Variants in CDH26 observed in about 807,000 individuals in gnomAD.
CDH26 encodes the protein cadherin 26.
CDH26 carries 83 observed loss-of-function variants against 90.3 expected under a neutral mutation model. The observed-to-expected ratio is 0.92, with a 90% CI of 0.77 to 1.10. CDH26 has a LOEUF of 1.10. Among genes scored for constraint, CDH26 ranks in the 50% least tolerant of loss-of-function variants. CDH26 has a pLI of 0.00. For missense variants in CDH26, 1,013 were observed against 1,037.6 expected, an observed-to-expected ratio of 0.98 and a Z score of 0.33; for synonymous variants, 397 against 396.3, an observed-to-expected ratio of 1.00 and a Z score of -0.02.
intron 4 of CDH26, among the ~76,000 whole-genome samples, chr20:59,982,252 T>C (rs117376016): frequency 2.4e-3 from 363 of 152,344 alleles, no homozygotes; most frequent in Admixed American, 3.9e-3. Context: ...CTTTCTCTAT[T>C]GTTTTGTTGT....
At chr20:59,973,132 C>G (rs988721766) in intron 4 of CDH26, among the ~76,000 whole-genome samples, 6 of 152,168 alleles carry the variant, frequency 3.9e-5, no homozygotes, top group Non-Finnish European at 4.4e-5. Flanking sequence ...ACTTCTCAAT[C>G]TTTCATGAGC....
At chr20:59,971,036 T>A (rs1233638463) in intron 3 of CDH26, among the ~76,000 whole-genome samples, 1 of 152,066 alleles carries the variant, frequency 6.6e-6, no homozygotes, top group Non-Finnish European at 1.5e-5. Context: ...CTTGAAGAAG[T>A]CACATGGTAT....
intron 1 of CDH26, among the ~76,000 whole-genome samples, chr20:59,964,707 A>G (rs958504199): frequency 3.9e-5 from 6 of 152,250 alleles, no homozygotes; most frequent in African/African-American, 4.8e-5. Context: ...CTGGCAAAGT[A>G]TAAACATCCA....
In CDH26 at chr20:59,982,844, A is replaced by G. The variant is rs990995864; in HGVS notation, c.394-79A>G. The G allele has an allele frequency of 4.0e-6, 6 of 1,509,150 alleles. No individual in the cohort carries two copies. The Admixed American group carries it at 7.2e-5, about 18-fold the overall frequency. The allele number at this position is 1,509,150 out of a possible 1,614,324, so 93.5% of individuals were successfully genotyped here. A position where few individuals can be genotyped will look rare whatever the true frequency, so the allele number is the denominator to read the frequency against. On this transcript the variant is annotated intron_variant, in intron 4 of 17. Coordinates refer to ENST00000348616, the MANE Select transcript of CDH26 (RefSeq NM_177980.4). ...AGAGGAGGAGACAGACGTAACACAT[A>G]ATTAGGATAACAGTTATTTTATTAG...
chr20:60,010,337 C>A (rs2061816666), intron 17 of CDH26, among the ~76,000 whole-genome samples: 1 of 152,208 alleles, frequency 6.6e-6, no homozygotes, highest in African/African-American at 2.4e-5. Flanking sequence ...TGACTGTTTT[C>A]ATGCCCTACA....
chr20:59,985,990 G>A (rs1336277826), intron 7 of CDH26: 2 of 152,258 alleles, frequency 1.3e-5, no homozygotes. Context: ...GGGCTACTCT[G>A]TGTGCTGTGG....
chr20:59,976,812 C>T (rs2061333368), intron 4 of CDH26, among the ~76,000 whole-genome samples: 1 of 151,986 alleles, frequency 6.6e-6, no homozygotes, highest in Non-Finnish European at 1.5e-5. Flanking sequence ...GAGGAATGAG[C>T]CACAAGTCTG....
Position 59,987,471 on chromosome 20 carries a change from G to A in CDH26, c.856G>A (p.Glu286Lys). ...TQENYKVQIPEGRASQGVLRL... is the reference protein window; with the variant it reads ...TQENYKVQIPKGRASQGVLRL... ...CTTTCAGTATAAGGTTCAGATTCCT[G>A]AAGGCCGAGCCAGCCAGGGCGTGTT... Residue 286 changes from glutamate (E) to lysine (K), a missense_variant, in exon 8 of 18, where the codon GAA becomes AAA. Physicochemically the swap from Glu to Lys is moderately conservative, Grantham distance 56 (BLOSUM62 1). Transcript: ENST00000348616. The A allele has an allele frequency of 1.2e-6, 2 of 1,611,992 alleles. No homozygotes were observed. Among genetic ancestry groups the A allele is most frequent in the Non-Finnish European group, 8.5e-7 (1 of 1,179,202 alleles).
chr20:60,008,039 G>T (rs886278216), intron 17 of CDH26, among the ~76,000 whole-genome samples: 1 of 152,146 alleles, frequency 6.6e-6, no homozygotes. Flanking sequence ...ACATGCTCGT[G>T]TCATGGAGGC....
chr20:60,006,006 TTCC>T (rs1201873737), intron 16 of CDH26, among the ~76,000 whole-genome samples: 1 of 152,164 alleles, frequency 6.6e-6, no homozygotes, highest in African/African-American at 2.4e-5. Flanking sequence ...GCCCTACAAC[TTCC>T]TCCTCCTGAG....
chr20:59,967,574 C>T (rs1384397225), intron 1 of CDH26, among the ~76,000 whole-genome samples: 1 of 152,090 alleles, frequency 6.6e-6, no homozygotes, highest in Non-Finnish European at 1.5e-5. Context: ...CCAAAATACC[C>T]CGTGTGAAAA....
chr20:59,996,549 A>G lies in CDH26; in HGVS notation c.1889-82A>G, dbSNP rs1251820286. On this transcript the variant is annotated intron_variant, in intron 12 of 17. Transcript: ENST00000348616. ...CCTTGCCAGTTCATGACTGAGTTAT[A>G]CATGAACAGAACAAGATCCTCATGA... The G allele has an allele frequency of 2.5e-6, 4 of 1,614,206 alleles. No homozygotes were observed. In the East Asian group the frequency reaches 6.7e-5, roughly 27 times the overall value.
chr20:60,020,100 A>G (rs889285727), intron 7 of CDH26, among the ~76,000 whole-genome samples: 2 of 152,114 alleles, frequency 1.3e-5, no homozygotes, highest in Non-Finnish European at 2.9e-5. Context: ...ACAGTGGGTG[A>G]GCCAACTTGT....
intron 1 of CDH26, among the ~76,000 whole-genome samples, chr20:59,967,355 A>G (rs1033213100): frequency 6.6e-6 from 1 of 152,208 alleles, no homozygotes; most frequent in Non-Finnish European, 1.5e-5. Context: ...TTTGCTATCA[A>G]ATTTTCTTTT....
At chr20:59,969,734 A>G (rs989493285) in intron 2 of CDH26, among the ~76,000 whole-genome samples, 3 of 152,232 alleles carry the variant, frequency 2.0e-5, no homozygotes, top group African/African-American at 7.2e-5. Flanking sequence ...ACTGAGAGAT[A>G]AATGGAAGTG....
chr20:60,015,186 A>G (rs2061894624), downstream of CDH26, among the ~76,000 whole-genome samples: 1 of 152,170 alleles, frequency 6.6e-6, no homozygotes, highest in Admixed American at 6.5e-5. Context: ...GGGTTTTGCC[A>G]TGTTGGCCAG....
At chr20:59,987,846 A>G (rs1373300135) in intron 8 of CDH26, among the ~76,000 whole-genome samples, 3 of 152,200 alleles carry the variant, frequency 2.0e-5, no homozygotes, top group Non-Finnish European at 4.4e-5. Flanking sequence ...AAATGATATC[A>G]ATAATAAAAC....
intron 1 of CDH26, among the ~76,000 whole-genome samples, chr20:59,967,439 TATTA>T (rs1464818631): frequency 5.3e-5 from 8 of 152,234 alleles, no homozygotes; most frequent in Non-Finnish European, 1.0e-4. Flanking sequence ...TTTCCCTTTT[TATTA>T]TAACTGGCAA....
chr20:59,966,582 T>C (rs1159692108), intron 1 of CDH26, among the ~76,000 whole-genome samples: 1 of 152,242 alleles, frequency 6.6e-6, no homozygotes, highest in East Asian at 1.9e-4. Flanking sequence ...ATGGGGAGTT[T>C]GGTACCACTG....
Sources: gnomAD v4.1 joint callset for allele counts (sites outside exome capture counted in the v4.1 genomes callset) on GRCh38, gnomAD v4.1.1 for gene constraint, MANE v1.5 for transcripts, NCBI Gene and HGNC (gene_info 2026-07-23, HGNC 2026-07-21) for gene names.